The following RGS7 variants were observed in gnomAD, a reference collection of about 807,000 sequenced individuals.
RGS7 encodes the protein regulator of G protein signaling 7, also known as regulator of G-protein signaling 7.
In RGS7, 27 loss-of-function variants were observed where a neutral mutation model predicts 81.1. The observed-to-expected ratio is 0.33, with a 90% CI of 0.25 to 0.46. RGS7 has a LOEUF of 0.46. Among genes scored for constraint, RGS7 ranks in the 20% least tolerant of loss-of-function variants. RGS7 has a pLI of 1.00. For missense variants in RGS7, 396 were observed against 607.4 expected (o/e 0.65, Z 3.66); for synonymous variants, 208 against 207.7 (o/e 1.00, Z -0.01).
rs182675054 is a variant in RGS7, at chr1:241,151,633, A to C, written c.79-52871T>G. Among the ~76,000 whole-genome samples, 682 of 146,224 alleles carry C rather than the reference A, an allele frequency of 4.7e-3. 3 individuals carry two copies. The highest frequency in any genetic ancestry group is 7.4e-3 in the Non-Finnish European group (499 of 67,476). The stretch of plus-strand genomic sequence containing the variant: ...TGTGCAGAACGTGCAGTTTTGTTAC[A>C]TAGGTATACACATGCCATGGGTTTG... On this transcript the variant is annotated intron_variant, in intron 2 of 18. Coordinates refer to ENST00000440928, the MANE Select transcript of RGS7 (RefSeq NM_001364886.1).
intron 3 of RGS7, among the ~76,000 whole-genome samples, chr1:241,000,188 G>A (rs1482838686): frequency 6.6e-6 from 1 of 152,112 alleles, no homozygotes; most frequent in Non-Finnish European, 1.5e-5. Context: ...GTCTCCTCTC[G>A]TGATCTTCAC....
At chr1:240,816,877 T>C (rs1455397073) in intron 10 of RGS7, among the ~76,000 whole-genome samples, 1 of 152,228 alleles carries the variant, frequency 6.6e-6, no homozygotes, top group Non-Finnish European at 1.5e-5. Context: ...TCAAGAATTC[T>C]ATTGCTGATT....
At position 241,098,684 on chromosome 1, in the gene RGS7, T is replaced by G; in HGVS notation, c.157A>C (p.Ile53Leu). The stretch of plus-strand genomic sequence containing the variant: ...GACTTACCAGAGAAGACGCTAGGTA[T>G]CTTGGAAAGAAAGCTTTTGACCGTA... The part of the protein sequence containing the change: ...IRTVKSFLSK[I>L]PSVFSGSDIV... Residue 53 changes from isoleucine (I) to leucine (L), a missense_variant, in exon 3 of 19, where the codon ATA becomes CTA. Coordinates refer to ENST00000440928, the MANE Select transcript of RGS7 (RefSeq NM_001364886.1). 1 of 1,612,976 alleles carries G rather than the reference T, an allele frequency of 6.2e-7. No homozygotes were observed. Among genetic ancestry groups the G allele is most frequent in the Non-Finnish European group, 8.5e-7 (1 of 1,179,114 alleles).
At chr1:240,792,899 G>A (rs753753863) in intron 18 of RGS7, among the ~76,000 whole-genome samples, 13 of 152,026 alleles carry the variant, frequency 8.6e-5, no homozygotes, top group Non-Finnish European at 1.8e-4. Flanking sequence ...TAACTGTTTT[G>A]TTGTTGTTGT....
chr1:241,196,467 A>G (rs1019630217), intron 2 of RGS7, among the ~76,000 whole-genome samples: 9 of 152,144 alleles, frequency 5.9e-5, no homozygotes, highest in Admixed American at 5.2e-4. Context: ...CATATTAAAA[A>G]TATTTGACCA....
At position 241,220,964 on chromosome 1, in the gene RGS7, AG is replaced by A. The variant is rs1450720539; in HGVS notation, c.79-122203del. 1.4e-3 allele frequency among the ~76,000 whole-genome samples: 70 copies of A among 50,558 alleles called. 1 individual carries two copies. The highest frequency in any genetic ancestry group is 7.5e-4 in the Non-Finnish European group (15 of 20,066). The allele number at this position is 50,558 out of a possible 152,430, so 33.2% of individuals were successfully genotyped here. A position where few individuals can be genotyped will look rare whatever the true frequency, so the allele number is the denominator to read the frequency against. ...GAAGGAAGAAGCAAGGAAGGAAGGA[AG>A]GAAGGAAGGAAGGAAGGAAGGAAGG... On this transcript the variant is annotated intron_variant, in intron 2 of 18. Coordinates refer to ENST00000440928, the MANE Select transcript of RGS7 (RefSeq NM_001364886.1).
chr1:240,992,629 T>C (rs532013823), intron 3 of RGS7, among the ~76,000 whole-genome samples: 170 of 152,230 alleles, frequency 1.1e-3, no homozygotes, highest in African/African-American at 3.8e-3. Flanking sequence ...AAGGCCCAGA[T>C]TGAAAAGAGT....
At chr1:240,945,240 A>C (rs1487623877) in intron 4 of RGS7, among the ~76,000 whole-genome samples, 1 of 152,232 alleles carries the variant, frequency 6.6e-6, no homozygotes, top group Non-Finnish European at 1.5e-5. Flanking sequence ...ACGAAAGAGA[A>C]AAATAGCCCA....
chr1:241,196,990 G>GT (rs1416644697), intron 2 of RGS7, among the ~76,000 whole-genome samples: 2 of 73,236 alleles, frequency 2.7e-5, no homozygotes, highest in South Asian at 9.4e-4. Context: ...CCAAAAGAAT[G>GT]TAAAAAAAAA....
intron 3 of RGS7, among the ~76,000 whole-genome samples, chr1:241,008,927 A>C (rs1203067487): frequency 6.6e-6 from 1 of 151,540 alleles, no homozygotes; most frequent in Non-Finnish European, 1.5e-5. Context: ...AAAAAAAAAA[A>C]AAAAAAAAAG....
chr1:240,822,718 T>C (rs1692024583), intron 10 of RGS7, among the ~76,000 whole-genome samples: 1 of 152,202 alleles, frequency 6.6e-6, no homozygotes, highest in Non-Finnish European at 1.5e-5. Flanking sequence ...AGACATGTAA[T>C]ACATTTCTAG....
chr1:241,263,904 GA>G (rs1416976396), intron 2 of RGS7, among the ~76,000 whole-genome samples: 2 of 152,158 alleles, frequency 1.3e-5, no homozygotes, highest in Non-Finnish European at 1.5e-5. Flanking sequence ...GAACTACTCA[GA>G]AGTCACAGAA....
chr1:241,106,061 CTT>C (rs1284870125), intron 2 of RGS7, among the ~76,000 whole-genome samples: 2 of 152,188 alleles, frequency 1.3e-5, no homozygotes, highest in African/African-American at 2.4e-5. Flanking sequence ...GCCTATAACT[CTT>C]TTTACTTCAG....
At chr1:240,963,818 T>C (rs1304883008) in intron 4 of RGS7, among the ~76,000 whole-genome samples, 3 of 152,188 alleles carry the variant, frequency 2.0e-5, no homozygotes, top group Non-Finnish European at 4.4e-5. Context: ...AGTAAGCCTA[T>C]ACAGATATGG....
intron 2 of RGS7, among the ~76,000 whole-genome samples, chr1:241,313,479 T>C (rs995815956): frequency 1.3e-5 from 2 of 152,188 alleles, no homozygotes; most frequent in African/African-American, 2.4e-5. Flanking sequence ...ACTCTGCCTG[T>C]GCTCTATCAA....
chr1:241,185,094 T>C (rs765873679), intron 2 of RGS7, among the ~76,000 whole-genome samples: 10 of 152,176 alleles, frequency 6.6e-5, no homozygotes, highest in Non-Finnish European at 1.3e-4. Context: ...GAAATATACA[T>C]GAATTTGTGT....
chr1:240,775,276 A>C (rs1682783625), downstream of RGS7, among the ~76,000 whole-genome samples: 1 of 152,234 alleles, frequency 6.6e-6, no homozygotes, highest in Non-Finnish European at 1.5e-5. Flanking sequence ...ATAGCTTTGA[A>C]AATGTGGAAC....
At chr1:240,972,157 G>T (rs1291015884) in intron 4 of RGS7, among the ~76,000 whole-genome samples, 1 of 152,144 alleles carries the variant, frequency 6.6e-6, no homozygotes, top group East Asian at 1.9e-4. Context: ...CTTTGGGTCA[G>T]TTGGGTCCAT....
intron 2 of RGS7, among the ~76,000 whole-genome samples, chr1:241,232,192 T>TTCTCTCTC (rs111426330): frequency 0.15 from 22,978 of 148,986 alleles, 2,189 homozygotes; most frequent in African/African-American, 0.27. Flanking sequence ...TATATGTCTA[T>TTCTCTCTC]TCTCTCTCTC....
Sources: gnomAD v4.1 joint callset for allele counts (sites outside exome capture counted in the v4.1 genomes callset) on GRCh38, gnomAD v4.1.1 for gene constraint, MANE v1.5 for transcripts, NCBI Gene and HGNC (gene_info 2026-07-23, HGNC 2026-07-21) for gene names.